The following CAMKK2 variants were observed in gnomAD, a reference collection of about 807,000 sequenced individuals.
CAMKK2 encodes the protein calcium/calmodulin dependent protein kinase kinase 2, also known as calcium/calmodulin-dependent protein kinase kinase 2.
Under a neutral mutation model 67.2 loss-of-function variants are expected in CAMKK2, and 30 were observed. The ratio of observed to expected loss-of-function variants is 0.45; its 90% confidence interval spans 0.33 to 0.61. The LOEUF (loss-of-function observed/expected upper bound fraction) is 0.61. CAMKK2 is among the 20% of genes least tolerant of loss of function. The probability of loss-of-function intolerance (pLI) is 0.02; values close to 1 mark genes in which losing one functional copy is unlikely to be tolerated. For synonymous variants in CAMKK2, 322 were observed against 326.2 expected (o/e 0.99, Z 0.14); for missense variants, 643 against 802.0 (o/e 0.80, Z 2.39).
At position 121,240,794 on chromosome 12, in the gene CAMKK2, C is replaced by T; in HGVS notation, c.1672G>A (p.Gly558Ser). The T allele has an allele frequency of 1.2e-6, 2 of 1,610,910 alleles. No homozygotes were observed. Among genetic ancestry groups the T allele is most frequent in the Non-Finnish European group, 1.7e-6 (2 of 1,179,420 alleles). The stretch of plus-strand genomic sequence containing the variant: ...CAGCAACTTTCCACGCAGGGACTGC[C>T]TCTCACAAGAGCACTTCCTCCTCCC... ...RGGGGSALVR[G>S]SPCVESCWAP... is the part of the protein sequence containing the mutation. Residue 558 changes from glycine to serine, a missense_variant, in exon 17 of 17, where the codon GGC (glycine) becomes AGC (serine). Transcript: ENST00000404169. This position sits in a 1 kb window ranked among gnomAD's most constrained non-coding sequence, Gnocchi z 4.4.
chr12:121,274,430 G>A lies in CAMKK2; in HGVS notation c.97C>T (p.Pro33Ser), dbSNP rs1447927152. The A allele has an allele frequency of 6.2e-7, 1 of 1,613,226 alleles. No individual in the cohort carries two copies. Among genetic ancestry groups the A allele is most frequent in the Admixed American group, 1.7e-5 (1 of 60,014 alleles). ...RGSSSSESQK[P>S]CEALRGLSSL... Reference sequence around the variant, plus strand: ...GAGAGGCCCCGCAGGGCCTCACAGGGCTTCTGGCTTTCGCTGCTGCTGCTG... The same window carrying A: ...GAGAGGCCCCGCAGGGCCTCACAGGACTTCTGGCTTTCGCTGCTGCTGCTG... Residue 33 changes from proline (P) to serine (S), a missense_variant, in exon 2 of 17, where the codon CCC becomes TCC. Physicochemically the swap from Pro to Ser is moderately conservative, Grantham distance 74 (BLOSUM62 -1). Transcript: ENST00000404169.
At chr12:121,270,853 C>T (rs1351703933) in intron 3 of CAMKK2, 45 bp downstream of exon 3, 4 of 1,507,780 alleles carry the variant, frequency 2.7e-6, no homozygotes, top group Admixed American at 1.7e-5. Flanking sequence ...TATCTGAACG[C>T]CCCTGGTGAA....
chr12:121,253,395 C>G lies in CAMKK2; in HGVS notation c.985G>C (p.Ala329Pro). 1 of 1,614,010 alleles carries G rather than the reference C, an allele frequency of 6.2e-7. No homozygotes were observed. Among genetic ancestry groups the G allele is most frequent in the African/African-American group, 1.3e-5 (1 of 75,018 alleles). Reference sequence around the variant, plus strand: ...AATTCATTGCTCACACCAAAGTCAGCGATCTTGATGTGCCCATCTTCTCCG... The same window carrying G: ...AATTCATTGCTCACACCAAAGTCAGGGATCTTGATGTGCCCATCTTCTCCG... ...LVGEDGHIKI[A>P]DFGVSNEFKG... Residue 329 changes from alanine to proline, a missense_variant, in exon 10 of 17, where the codon GCT (alanine) becomes CCT (proline). Ala to Pro is a conservative substitution (Grantham distance 27). Transcript: ENST00000404169. The surrounding 1 kb of genome is among the most constrained non-coding windows in gnomAD (Gnocchi z 5.0).
At chr12:121,267,559 C>G (rs1894878035) in intron 5 of CAMKK2, among the ~76,000 whole-genome samples, 2 of 151,788 alleles carry the variant, frequency 1.3e-5, no homozygotes, top group Non-Finnish European at 2.9e-5. Context: ...GTGGCATGAT[C>G]TCGGCTCACT....
chr12:121,266,030 C>CA (rs1274747391), intron 5 of CAMKK2, among the ~76,000 whole-genome samples: 1 of 152,158 alleles, frequency 6.6e-6, no homozygotes, highest in East Asian at 1.9e-4. Context: ...CTCCCAGGCT[C>CA]AAGGGATCCT....
At chr12:121,281,715 A>C (rs1009715553) in intron 1 of CAMKK2, among the ~76,000 whole-genome samples, 11 of 152,232 alleles carry the variant, frequency 7.2e-5, no homozygotes, top group African/African-American at 2.7e-4. Flanking sequence ...TGGGAGGCCG[A>C]GACGGGTGGA....
At chr12:121,244,172 T>C (rs1316766524) in intron 16 of CAMKK2, 3 of 1,598,890 alleles carry the variant, frequency 1.9e-6, no homozygotes, top group Non-Finnish European at 2.6e-6. Context: ...GGAGAGCCCC[T>C]AGCGAAGAGC....
chr12:121,241,532 C>G (rs1018408053), intron 16 of CAMKK2, among the ~76,000 whole-genome samples: 12 of 152,246 alleles, frequency 7.9e-5, no homozygotes, highest in African/African-American at 2.9e-4. Context: ...GCCGGTGTGA[C>G]AGCGTGGATG....
intron 1 of CAMKK2, among the ~76,000 whole-genome samples, chr12:121,283,130 C>T (rs963429018): frequency 6.6e-6 from 1 of 152,334 alleles, no homozygotes; most frequent in South Asian, 2.1e-4. Flanking sequence ...CAGCACCCCA[C>T]CCAACCAGTG....
chr12:121,287,170 T>C (rs563123845), intron 1 of CAMKK2, among the ~76,000 whole-genome samples: 1 of 152,268 alleles, frequency 6.6e-6, no homozygotes, highest in African/African-American at 2.4e-5. Flanking sequence ...CCTCCCAAAG[T>C]GCTGGGATTA....
intron 11 of CAMKK2, among the ~76,000 whole-genome samples, chr12:121,251,997 G>C (rs1027493905): frequency 6.6e-6 from 1 of 152,112 alleles, no homozygotes; most frequent in Non-Finnish European, 1.5e-5. Context: ...TACCCTGACG[G>C]AAAGAACATC....
At position 121,255,770 on chromosome 12, in the gene CAMKK2, C is replaced by A; in HGVS notation, c.818+13G>T. The A allele has an allele frequency of 6.2e-7, 1 of 1,613,932 alleles. No individual in the cohort carries two copies. Among genetic ancestry groups the A allele is most frequent in the Non-Finnish European group, 8.5e-7 (1 of 1,179,868 alleles). ...CTTCTTGCATCACCCCTGCTGGGAG[C>A]TGGGACACTCACCCTTGGTTGACCA... On this transcript the variant is annotated intron_variant, in intron 8 of 16. Transcript: ENST00000404169.
chr12:121,248,531 G>A, intron 14 of CAMKK2, 75 bp downstream of exon 14: 1 of 1,579,002 alleles, frequency 6.3e-7, no homozygotes, highest in Non-Finnish European at 8.7e-7. Context: ...ACCCGCCTGT[G>A]TCCGGCCTGT....
intron 16 of CAMKK2, 74 bp downstream of exon 16, chr12:121,244,499 C>T: frequency 1.4e-6 from 2 of 1,407,628 alleles, no homozygotes; most frequent in Middle Eastern, 2.1e-4. Context: ...TGGGGATGCC[C>T]CCGTGCTCTG....
chr12:121,243,372 CT>C (rs60599616), intron 16 of CAMKK2, among the ~76,000 whole-genome samples: 119,449 of 150,768 alleles, frequency 0.79, 47,381 homozygotes, highest in African/African-American at 0.81. Context: ...ACTCCTAACA[CT>C]TTGTACACAA....
intron 16 of CAMKK2, among the ~76,000 whole-genome samples, chr12:121,241,460 C>T (rs1318678514): frequency 1.3e-5 from 2 of 152,228 alleles, no homozygotes; most frequent in Non-Finnish European, 2.9e-5. Flanking sequence ...GAGGAGGCCC[C>T]TTCCCTCTTG....
chr12:121,270,792 G>T, intron 3 of CAMKK2, 106 bp downstream of exon 3: 1 of 792,830 alleles, frequency 1.3e-6, no homozygotes, highest in Non-Finnish European at 2.1e-6. Flanking sequence ...CACCAACCTC[G>T]CCTTCAAAGA....
At chr12:121,263,646 TA>T (rs1240517909) in intron 6 of CAMKK2, among the ~76,000 whole-genome samples, 159 bp downstream of exon 6, 1 of 152,152 alleles carries the variant, frequency 6.6e-6, no homozygotes, top group African/African-American at 2.4e-5. Context: ...AAAAAATAGT[TA>T]ATGTGAGTAA....
Position 121,239,470 on chromosome 12 carries a change from T to A in CAMKK2, c.*1229A>T, listed in dbSNP as rs1887996661. ...CCTGGTTTCCTCATACCCCAACGAG[T>A]GCTGTGGGTTTCAACAGTCTTCTCT... On this transcript the variant is annotated 3_prime_UTR_variant, in exon 17 of 17. Transcript: ENST00000404169. 6.6e-6 allele frequency: 1 copy of A among 152,074 alleles called. No individual in the cohort carries two copies. Among genetic ancestry groups the A allele is most frequent in the African/African-American group, 2.4e-5 (1 of 41,390 alleles). 9.4% of individuals were successfully genotyped at this position (152,074 alleles called of 1,614,324 possible).
Sources: allele counts gnomAD v4.1 joint callset (sites outside exome capture counted in the v4.1 genomes callset), GRCh38; gene constraint gnomAD v4.1.1; non-coding constraint Gnocchi (gnomAD v3.1); transcripts MANE v1.5; gene names NCBI Gene and HGNC (gene_info 2026-07-23, HGNC 2026-07-21).